The following SNRPN variants were observed in gnomAD, a reference collection of about 807,000 sequenced individuals.
The protein encoded by SNRPN is small nuclear ribonucleoprotein polypeptide N, also known as small nuclear ribonucleoprotein-associated protein N.
Under a neutral mutation model 25.2 loss-of-function variants are expected in SNRPN, and 7 were observed. The observed-to-expected ratio is 0.28, with a 90% CI of 0.16 to 0.52. SNRPN has a LOEUF of 0.52. Among genes scored for constraint, SNRPN ranks in the 20% least tolerant of loss-of-function variants. The probability of loss-of-function intolerance (pLI) is 0.96; values close to 1 mark genes in which losing one functional copy is unlikely to be tolerated. For synonymous variants in SNRPN, 124 were observed against 110.6 expected (o/e 1.12, Z -0.76); for missense variants, 196 against 322.5 (o/e 0.61, Z 3.00).
intron 2 of SNRPN, among the ~76,000 whole-genome samples, chr15:24,898,759 G>A (rs74548490): frequency 0.08 from 12,215 of 152,054 alleles, 697 homozygotes; most frequent in Non-Finnish European, 0.11. Flanking sequence ...TGGGGTGATC[G>A]GACCCAACAC....
intron 2 of SNRPN, among the ~76,000 whole-genome samples, chr15:24,904,957 A>C (rs1017437008): frequency 6.6e-6 from 1 of 151,094 alleles, no homozygotes; most frequent in Middle Eastern, 3.4e-3. Context: ...AAAAAAAAAA[A>C]AAAAAATTAG....
intron 3 of SNRPN, among the ~76,000 whole-genome samples, chr15:24,973,625 C>CTT (rs962820002): frequency 6.6e-6 from 1 of 152,188 alleles, no homozygotes; most frequent in African/African-American, 2.4e-5. Context: ...GTCTCGAACT[C>CTT]TTGACCTCAG....
intron 1 of SNRPN, among the ~76,000 whole-genome samples, chr15:24,865,649 G>A (rs1305492813): frequency 2.0e-5 from 3 of 152,160 alleles, no homozygotes; most frequent in African/African-American, 4.8e-5. Context: ...CCTCCTGTCA[G>A]TTAGAACATA....
intron 2 of SNRPN, among the ~76,000 whole-genome samples, chr15:24,919,818 T>C (rs2059930933): frequency 6.6e-6 from 1 of 152,198 alleles, no homozygotes. Context: ...TTCAGGTGCC[T>C]GACTAATGTT....
intron 2 of SNRPN, chr15:24,909,467 T>C (rs2059072201): frequency 7.0e-6 from 11 of 1,582,166 alleles, no homozygotes; most frequent in Admixed American, 1.7e-5. Context: ...TTGGCCTTCA[T>C]AGATCTTGTC....
chr15:24,926,023 C>A (rs997306979), intron 3 of SNRPN, among the ~76,000 whole-genome samples: 7 of 152,054 alleles, frequency 4.6e-5, no homozygotes, highest in African/African-American at 1.7e-4. Flanking sequence ...CCTGAGCCAC[C>A]GTGCCCGGCC....
At chr15:24,825,186 A>G (rs1049989775) in intron 1 of SNRPN, among the ~76,000 whole-genome samples, 8 of 152,010 alleles carry the variant, frequency 5.3e-5, no homozygotes, top group Non-Finnish European at 1.0e-4. Context: ...AATACCCTAT[A>G]CAGAAAATCT....
intron 4 of SNRPN, 110 bp from the exon 5 acceptor site, chr15:24,975,248 T>G: frequency 1.3e-6 from 1 of 797,674 alleles, no homozygotes; most frequent in Non-Finnish European, 2.0e-6. Flanking sequence ...AATATTTGTT[T>G]AGTTAAGGAA....
At position 24,940,355 on chromosome 15, in the gene SNRPN, C is replaced by A. The variant is rs530169208; in HGVS notation, c.-391+20231C>A. 2.3e-4 allele frequency among the ~76,000 whole-genome samples: 35 copies of A among 152,232 alleles called. No homozygotes were observed. In the South Asian group the frequency reaches 7.1e-3, roughly 31 times the overall value. On this transcript the variant is annotated intron_variant, in intron 3 of 11. Transcript: ENST00000400097. The stretch of plus-strand genomic sequence containing the variant: ...AGCTTTAGGTCTTATATTTAGGTCT[C>A]TGATCCATTTCAAGTTCATTTTTGT...
chr15:24,824,869 G>T (rs766524319), intron 1 of SNRPN, among the ~76,000 whole-genome samples: 2 of 152,010 alleles, frequency 1.3e-5, no homozygotes, highest in Non-Finnish European at 2.9e-5. Context: ...GCTAGGAATT[G>T]TTTAGGTTCT....
intron 2 of SNRPN, among the ~76,000 whole-genome samples, chr15:24,902,391 T>C (rs147749473): frequency 1.4e-4 from 21 of 148,504 alleles, no homozygotes; most frequent in African/African-American, 5.1e-4. Context: ...TAAATAGTAG[T>C]AACTTAAAAA....
chr15:24,973,186 G>A (rs939235142), intron 3 of SNRPN, among the ~76,000 whole-genome samples: 1 of 152,132 alleles, frequency 6.6e-6, no homozygotes, highest in African/African-American at 2.4e-5. Context: ...ACCACACCCA[G>A]CCTCTTCTCT....
chr15:24,898,865 G>A (rs1411934056), intron 2 of SNRPN, among the ~76,000 whole-genome samples: 1 of 152,158 alleles, frequency 6.6e-6, no homozygotes, highest in African/African-American at 2.4e-5. Context: ...CTAGTATGGA[G>A]GCTGCGAAGG....
intron 2 of SNRPN, among the ~76,000 whole-genome samples, chr15:24,908,479 A>T (rs915519277): frequency 6.6e-6 from 1 of 152,190 alleles, no homozygotes; most frequent in Admixed American, 6.5e-5. Context: ...GAATGTTAGA[A>T]AGAATATGGA....
At chr15:24,840,185 C>A (rs1595395366) in intron 2 of SNRPN, among the ~76,000 whole-genome samples, 1 of 152,166 alleles carries the variant, frequency 6.6e-6, no homozygotes, top group East Asian at 1.9e-4. Flanking sequence ...TGATGAAACC[C>A]CATCTCTACT....
At chr15:24,874,267 A>G (rs1006038773) in intron 1 of SNRPN, among the ~76,000 whole-genome samples, 2 of 135,898 alleles carry the variant, frequency 1.5e-5, no homozygotes, top group Non-Finnish European at 3.0e-5. Flanking sequence ...CCAAGATCGC[A>G]CCACTGCACT....
chr15:24,862,099 A>G (rs1428828869), intron 1 of SNRPN, among the ~76,000 whole-genome samples: 1 of 149,132 alleles, frequency 6.7e-6, no homozygotes. Flanking sequence ...AGTTCATGCA[A>G]ACAATGAAAA....
At chr15:24,906,743 T>C (rs140694491) in intron 2 of SNRPN, among the ~76,000 whole-genome samples, 1 of 152,202 alleles carries the variant, frequency 6.6e-6, no homozygotes, top group Non-Finnish European at 1.5e-5. Context: ...GGGGTGTAAG[T>C]GCCTATTATC....
chr15:24,928,555 A>G (rs2060573781), intron 3 of SNRPN, among the ~76,000 whole-genome samples: 1 of 150,058 alleles, frequency 6.7e-6, no homozygotes, highest in Non-Finnish European at 1.5e-5. Context: ...AATTATAAAT[A>G]ATGGTCAGTA....
Sources: gnomAD v4.1 joint callset for allele counts (sites outside exome capture counted in the v4.1 genomes callset) on GRCh38, gnomAD v4.1.1 for gene constraint, MANE v1.5 for transcripts, NCBI Gene and HGNC (gene_info 2026-07-23, HGNC 2026-07-21) for gene names.